The following SETDB2 variants were observed in gnomAD, a reference collection of about 807,000 sequenced individuals.
SETDB2 encodes the protein SET domain bifurcated histone lysine methyltransferase 2, also known as histone-lysine N-methyltransferase SETDB2.
SETDB2 carries 56 observed loss-of-function variants against 82.5 expected under a neutral mutation model. That is an observed-to-expected ratio of 0.68 (90% CI 0.55 to 0.85). The LOEUF (loss-of-function observed/expected upper bound fraction) is 0.85, where lower values mean the gene tolerates loss of function less well. SETDB2 is among the 40% of genes least tolerant of loss of function. The pLI is 0.00. For missense variants in SETDB2, 677 were observed against 816.4 expected, an observed-to-expected ratio of 0.83 and a Z score of 2.08; for synonymous variants, 272 against 284.9, an observed-to-expected ratio of 0.95 and a Z score of 0.46.
intron 9 of SETDB2, 80 bp downstream of exon 9, chr13:49,483,042 C>A: frequency 2.3e-6 from 2 of 857,650 alleles, no homozygotes; most frequent in Non-Finnish European, 3.7e-6. Context: ...TCCCCTCTTT[C>A]TTTTCTCCTC....
rs1462417189 is a variant in SETDB2, at chr13:49,463,995, T to G, written c.208+2833T>G. 4.1e-6 allele frequency: 3 copies of G among 731,690 alleles called. No individual in the cohort carries two copies. The African/African-American group carries it at 5.2e-5, about 13-fold the overall frequency. The allele number at this position is 731,690 out of a possible 1,614,324, so 45.3% of individuals were successfully genotyped here. A position where few individuals can be genotyped will look rare whatever the true frequency, so the allele number is the denominator to read the frequency against. ...TTATTTCTCTTTTTAATTTTATTTT[T>G]CTTTCTTTAATTCCCTGCCTCACAG... On this transcript the variant is annotated intron_variant, in intron 4 of 13. Coordinates refer to ENST00000611815, the MANE Select transcript of SETDB2 (RefSeq NM_001160308.3).
chr13:49,467,090 T>A (rs1366038180), intron 4 of SETDB2, among the ~76,000 whole-genome samples: 1 of 152,094 alleles, frequency 6.6e-6, no homozygotes, highest in Non-Finnish European at 1.5e-5. Context: ...AAGTTATAAT[T>A]TTTTTATTAG....
chr13:49,487,085 A>G (rs1594180378), intron 11 of SETDB2, among the ~76,000 whole-genome samples: 1 of 152,196 alleles, frequency 6.6e-6, no homozygotes, highest in East Asian at 1.9e-4. Context: ...GGGTACTCCA[A>G]AAGTCAAAAG....
At chr13:49,470,679 C>T (rs1387376693) in intron 5 of SETDB2, among the ~76,000 whole-genome samples, 1 of 152,248 alleles carries the variant, frequency 6.6e-6, no homozygotes. Flanking sequence ...AAAACCCCAT[C>T]TCTACAAAAA....
At chr13:49,474,515 C>A (rs994409521) in intron 5 of SETDB2, among the ~76,000 whole-genome samples, 1 of 152,152 alleles carries the variant, frequency 6.6e-6, no homozygotes, top group Non-Finnish European at 1.5e-5. Flanking sequence ...AGTATCTTTA[C>A]GTGTATGAAA....
At chr13:49,479,305 C>G (rs913608661) in intron 6 of SETDB2, among the ~76,000 whole-genome samples, 2 of 152,070 alleles carry the variant, frequency 1.3e-5, no homozygotes, top group African/African-American at 4.8e-5. Context: ...ACAACTAATT[C>G]TGGATGGTGG....
In SETDB2 at chr13:49,490,843, T is replaced by G; in HGVS notation, c.1939T>G (p.Leu647Val). ...ACAGCATAGTTGTTGCCCAAATCTC[T>G]TGGTACAGAATGTTTTTGTAGAAAC... Reference protein sequence around the residue: ...FLNHSCCPNLLVQNVFVETHN... With the variant: ...FLNHSCCPNLVVQNVFVETHN... The change falls in exon 13 of 14, where the codon TTG (leucine) becomes GTG (valine). Residue 647 changes from leucine to valine, a missense_variant. Transcript: ENST00000611815. 1 of 1,612,990 alleles carries G rather than the reference T, an allele frequency of 6.2e-7. No individual in the cohort carries two copies. The highest frequency in any genetic ancestry group is 8.5e-7 in the Non-Finnish European group (1 of 1,179,236).
chr13:49,472,910 A>G (rs1264751900), intron 5 of SETDB2, among the ~76,000 whole-genome samples: 1 of 152,130 alleles, frequency 6.6e-6, no homozygotes, highest in Middle Eastern at 3.2e-3. Flanking sequence ...TAAGGAGAAT[A>G]CTTTTAATCT....
Position 49,492,461 on chromosome 13 carries a change from C to T in SETDB2, c.*612C>T, listed in dbSNP as rs1958731352. ...CTTCTGTAAGTAAGATTCTGGCAAGCTCTTTGAAATGAGTCTTCTTTCCCA... is the reference window on the plus strand; with the variant it reads ...CTTCTGTAAGTAAGATTCTGGCAAGTTCTTTGAAATGAGTCTTCTTTCCCA... On this transcript the variant is annotated 3_prime_UTR_variant, in exon 14 of 14. Coordinates refer to ENST00000611815, the MANE Select transcript of SETDB2 (RefSeq NM_001160308.3). The T allele has an allele frequency of 6.6e-6, 1 of 152,576 alleles. No homozygotes were observed. Among genetic ancestry groups the T allele is most frequent in the Non-Finnish European group, 1.5e-5 (1 of 68,356 alleles). 9.5% of individuals were successfully genotyped at this position (152,576 alleles called of 1,614,324 possible).
At chr13:49,453,757 G>A (rs1957826843) in intron 2 of SETDB2, among the ~76,000 whole-genome samples, 2 of 152,054 alleles carry the variant, frequency 1.3e-5, no homozygotes, top group South Asian at 4.1e-4. Flanking sequence ...TGAATAACCT[G>A]TCAATATTTT....
chr13:49,484,115 AATGCTGGTCATG>A (rs1345366988), intron 10 of SETDB2, among the ~76,000 whole-genome samples: 1 of 152,068 alleles, frequency 6.6e-6, no homozygotes, highest in Non-Finnish European at 1.5e-5. Flanking sequence ...GTATGAGGAG[AATGCTGGTCATG>A]ATCTGACAGT....
chr13:49,468,103 G>A, intron 5 of SETDB2, 143 bp downstream of exon 5: 2 of 478,216 alleles, frequency 4.2e-6, no homozygotes, highest in Non-Finnish European at 7.2e-6. Flanking sequence ...AGTATTTTAT[G>A]TAAGATAGAA....
intron 1 of SETDB2, among the ~76,000 whole-genome samples, chr13:49,449,516 G>C (rs536052302): frequency 6.6e-6 from 1 of 152,102 alleles, no homozygotes; most frequent in Admixed American, 6.6e-5. Context: ...CTCCCAAAGC[G>C]CTGGCATCAC....
At position 49,444,340 on chromosome 13, in the gene SETDB2, A is replaced by G. The variant is rs1957610876; in HGVS notation, c.-859A>G. 3.9e-6 allele frequency: 1 copy of G among 258,806 alleles called. No individual in the cohort carries two copies. The highest frequency in any genetic ancestry group is 7.8e-6 in the Non-Finnish European group (1 of 128,340). 16.0% of individuals were successfully genotyped at this position (258,806 alleles called of 1,614,324 possible). A position where few individuals can be genotyped will look rare whatever the true frequency, so the allele number is the denominator to read the frequency against. On this transcript the variant is annotated 5_prime_UTR_variant, in exon 1 of 14. Transcript: ENST00000611815. ...GACTGTTGTGGTTGAGATGAAGGCT[A>G]GTAAATGGTGAAGTACTTCCCGGCC...
At chr13:49,450,398 C>T (rs1222627823) in intron 1 of SETDB2, among the ~76,000 whole-genome samples, 1 of 152,154 alleles carries the variant, frequency 6.6e-6, no homozygotes, top group East Asian at 1.9e-4. Context: ...TTTATTTCAA[C>T]AACTGTTTTT....
chr13:49,483,379 T>C, intron 9 of SETDB2, 85 bp from the exon 10 acceptor site: 4 of 493,596 alleles, frequency 8.1e-6, no homozygotes, highest in Non-Finnish European at 1.4e-5. Context: ...AGGATATTTA[T>C]GTAATAATGG....
chr13:49,457,814 A>G (rs1402472010), intron 2 of SETDB2, among the ~76,000 whole-genome samples: 1 of 152,178 alleles, frequency 6.6e-6, no homozygotes, highest in African/African-American at 2.4e-5. Context: ...TCCTCAGTCC[A>G]GGACAAAATT....
intron 5 of SETDB2, among the ~76,000 whole-genome samples, chr13:49,470,950 T>TTTTG (rs1958221324): frequency 8.5e-6 from 1 of 117,524 alleles, no homozygotes; most frequent in African/African-American, 3.4e-5. Context: ...GGTTTTTTTG[T>TTTTG]TTTCTTTCTT....
chr13:49,468,628 C>CTTTTTTTTTTTTTTTTTTTTTTTTTTTTT (rs1555271403), intron 5 of SETDB2, among the ~76,000 whole-genome samples: 7 of 148,248 alleles, frequency 4.7e-5, no homozygotes, highest in African/African-American at 1.8e-4. Flanking sequence ...ACCCTAATTT[C>CTTTTTTTTTTTTTTTTTTTTTTTTTTTTT]ATTTGTTCTT....
Sources: gnomAD v4.1 joint callset for allele counts (sites outside exome capture counted in the v4.1 genomes callset) on GRCh38, gnomAD v4.1.1 for gene constraint, MANE v1.5 for transcripts, NCBI Gene and HGNC (gene_info 2026-07-23, HGNC 2026-07-21) for gene names.